CR2: variants seen among roughly 807,000 people sequenced by gnomAD.
CR2 encodes complement C3d receptor 2.
A neutral mutation model predicts 123.0 loss-of-function variants in CR2; 96 were observed. The ratio of observed to expected loss-of-function variants is 0.78; its 90% CI spans 0.66 to 0.93. The LOEUF (loss-of-function observed/expected upper bound fraction) is 0.93. Among genes scored for constraint, CR2 ranks in the 40% least tolerant of loss-of-function variants. The probability of loss-of-function intolerance (pLI) is 0.00; values close to 1 mark genes in which losing one functional copy is unlikely to be tolerated. For missense variants in CR2, 1,258 were observed against 1,361.0 expected (o/e 0.92, Z 1.19); for synonymous variants, 484 against 469.5 (o/e 1.03, Z -0.40).
intron 16 of CR2, 119 bp from the exon 17 acceptor site, chr1:207,479,137 TA>T (rs1658529322): frequency 1.2e-6 from 1 of 822,618 alleles, no homozygotes; most frequent in Non-Finnish European, 2.1e-6. Flanking sequence ...GTACATCTTT[TA>T]AATCGACTTG....
rs373332575 is a variant in CR2 at position 207,473,601 on chromosome 1, T to G, written c.2035T>G (p.Phe679Val). 29 of 1,613,874 alleles carry G rather than the reference T, an allele frequency of 1.8e-5. No individual in the cohort carries two copies. Among genetic ancestry groups the G allele is most frequent in the Non-Finnish European group, 2.4e-5 (28 of 1,179,900 alleles). ...TCGTCATACAGGTGGAAATACGGTCTTCTTTGTCTCTGGGATGACTGTAGA... is the reference window on the plus strand; with the variant it reads ...TCGTCATACAGGTGGAAATACGGTCGTCTTTGTCTCTGGGATGACTGTAGA... Reference protein sequence around the residue: ...HGRHTGGNTVFFVSGMTVDYT... With the variant: ...HGRHTGGNTVVFVSGMTVDYT... Residue 679 changes from phenylalanine (F) to valine (V), a missense_variant, in exon 11 of 20, where the codon TTC (phenylalanine) becomes GTC (valine). Physicochemically the swap from Phe to Val is conservative, Grantham distance 50. Transcript: ENST00000367057.
chr1:207,462,555 A>G (rs777496832), intron 1 of CR2, among the ~76,000 whole-genome samples: 1 of 152,208 alleles, frequency 6.6e-6, no homozygotes, highest in Admixed American at 6.5e-5. Flanking sequence ...TGGCATGACC[A>G]CATTTGTGTT....
intron 12 of CR2, 51 bp from the exon 13 acceptor site, chr1:207,474,190 A>C: frequency 8.7e-6 from 12 of 1,384,562 alleles, no homozygotes; most frequent in South Asian, 1.2e-5. Context: ...TGCAGTTTGA[A>C]GAGATATGAT....
chr1:207,465,025 G>C (rs568406295), intron 1 of CR2, among the ~76,000 whole-genome samples: 32 of 152,190 alleles, frequency 2.1e-4, no homozygotes, highest in Admixed American at 5.2e-4. Context: ...CCACCTCCTG[G>C]GTTCAAGCGA....
At position 207,468,831 on chromosome 1, in the gene CR2, C is replaced by T. The variant is rs778221461; in HGVS notation, c.666C>T (p.Pro222=). ...GCTGTAAATCTCTAGGACGATTTCC[C>T]AATGGGAAGGTAAAGGAGCCTCCAA... is the stretch of plus-strand genomic sequence containing the variant. ...EARCKSLGRF[P]NGKVKEPPIL... is the part of the protein sequence containing the mutation. The change falls in exon 4 of 20, where the codon CCC becomes CCT. Residue 222 remains proline (P), a synonymous_variant. Coordinates refer to ENST00000367057, the MANE Select transcript of CR2 (RefSeq NM_001006658.3). 9.7e-5 allele frequency: 156 copies of T among 1,613,828 alleles called. No homozygotes were observed. Among genetic ancestry groups the T allele is most frequent in the Admixed American group, 2.3e-4 (14 of 59,968 alleles).
intron 16 of CR2, among the ~76,000 whole-genome samples, chr1:207,478,525 C>CAAAAAAAAAAAAAAAAAAAAAAGAAAAAA (rs1658508335): frequency 3.4e-5 from 2 of 58,742 alleles, no homozygotes; most frequent in Non-Finnish European, 6.4e-5. Context: ...AAGACCCTAT[C>CAAAAAAAAAAAAAAAAAAAAAAGAAAAAA]AAAAAAAAAA....
chr1:207,457,750 G>GT (rs1428631563), intron 1 of CR2, among the ~76,000 whole-genome samples: 1 of 151,980 alleles, frequency 6.6e-6, no homozygotes, highest in Non-Finnish European at 1.5e-5. Context: ...ACTCTTACCT[G>GT]TTTTTTCCAT....
Position 207,467,087 on chromosome 1 carries a change from G to A in CR2, c.445+175G>A, listed in dbSNP as rs752591828. Among the ~76,000 whole-genome samples, 11 of 152,120 alleles carry A rather than the reference G, an allele frequency of 7.2e-5. No individual in the cohort carries two copies. In the South Asian group the frequency reaches 1.0e-3, roughly 14 times the overall value. On this transcript the variant is annotated intron_variant, in intron 2 of 19. Transcript: ENST00000367057. ...TCTTCGTGGAGGCATATAACTGCTC[G>A]TTCAAAAAACATCAATTGAGCAAAG...
chr1:207,479,583 A>C (rs147029386), intron 17 of CR2, among the ~76,000 whole-genome samples: 1,903 of 152,310 alleles, frequency 0.012, 30 homozygotes, highest in African/African-American at 0.04. Flanking sequence ...CTGCTGTAGC[A>C]AAATACATTT....
intron 1 of CR2, among the ~76,000 whole-genome samples, chr1:207,458,498 G>A (rs969674862): frequency 2.0e-5 from 3 of 152,080 alleles, no homozygotes; most frequent in Non-Finnish European, 2.9e-5. Flanking sequence ...TGACTTGATC[G>A]TGGACCATTC....
chr1:207,456,723 C>G (rs1657842974), intron 1 of CR2, among the ~76,000 whole-genome samples: 1 of 152,192 alleles, frequency 6.6e-6, no homozygotes, highest in South Asian at 2.1e-4. Context: ...TTACCTCCAT[C>G]TAGAATCAGA....
At chr1:207,477,281 A>G (rs1419415947) in intron 15 of CR2, among the ~76,000 whole-genome samples, 2 of 152,182 alleles carry the variant, frequency 1.3e-5, no homozygotes, top group Non-Finnish European at 2.9e-5. Flanking sequence ...CGTGTGCAGG[A>G]GAACTGTCCT....
rs1658560715 is a variant in CR2, at chr1:207,480,036, A to ACG, written c.3171_3172insCG (p.Ser1058ArgfsTer21). The ACG allele has an allele frequency of 1.2e-6, 2 of 1,612,438 alleles. No homozygotes were observed. The highest frequency in any genetic ancestry group is 1.7e-6 in the Non-Finnish European group (2 of 1,178,700). ...TGATTGTCATTACCTTATACGTGAT[A>ACG]TCAAAACACAGAGCACGGTAAGTTC... On this transcript the variant is annotated frameshift_variant, in exon 18 of 20. Coordinates refer to ENST00000367057, the MANE Select transcript of CR2 (RefSeq NM_001006658.3). LOFTEE classifies it high-confidence loss of function.
In CR2 at chr1:207,469,166, C is replaced by T. The variant is rs763512398; in HGVS notation, c.751C>T (p.Pro251Ser). Residue 251 changes from proline to serine, a missense_variant, in exon 5 of 20, where the codon CCA becomes TCA. Coordinates refer to ENST00000367057, the MANE Select transcript of CR2 (RefSeq NM_001006658.3). The part of the protein sequence containing the change: ...FCDEGYRLQG[P>S]PSSRCVIAGQ... ...TGTCTCCAGGTATCGACTGCAAGGC[C>T]CACCTTCTAGTCGGTGTGTAATTGC... The T allele has an allele frequency of 6.2e-7, 1 of 1,613,814 alleles. No homozygotes were observed. Among genetic ancestry groups the T allele is most frequent in the Non-Finnish European group, 8.5e-7 (1 of 1,179,776 alleles).
chr1:207,469,236 G>A lies in CR2; in HGVS notation c.817+4G>A, dbSNP rs1174734953. The A allele has an allele frequency of 1.2e-6, 2 of 1,612,166 alleles. No individual in the cohort carries two copies. Among genetic ancestry groups the A allele is most frequent in the Non-Finnish European group, 1.7e-6 (2 of 1,178,416 alleles). On this transcript the variant is annotated splice_donor_region_variant and intron_variant, in intron 5 of 19. Coordinates refer to ENST00000367057, the MANE Select transcript of CR2 (RefSeq NM_001006658.3). ...ACCAAAATGCCAGTATGTGAAGGTA[G>A]GCTAGGCAACTATGGTCTGACAGCA...
At position 207,473,712 on chromosome 1, in the gene CR2, C is replaced by T. The variant is rs144014118; in HGVS notation, c.2146C>T (p.Arg716Trp). The T allele has an allele frequency of 9.9e-5, 160 of 1,613,924 alleles. No individual in the cohort carries two copies. The Admixed American group carries it at 1.5e-3, about 16-fold the overall frequency. The change falls in exon 11 of 20, where the codon CGG (arginine) becomes TGG (tryptophan). Residue 716 changes from arginine to tryptophan, a missense_variant. Physicochemically the swap from Arg to Trp is moderately radical, Grantham distance 101 (BLOSUM62 -3). Coordinates refer to ENST00000367057, the MANE Select transcript of CR2 (RefSeq NM_001006658.3). ...AGGAAATTGGAGTCCTTCTGCCCCA[C>T]GGTGTGAAGGTACTTTAAGTTCCAG... ...PSGNWSPSAP[R>W]CEETCQHVRQ...
chr1:207,483,714 CT>C (rs1301877209), intron 18 of CR2, among the ~76,000 whole-genome samples: 1 of 152,032 alleles, frequency 6.6e-6, no homozygotes, highest in Admixed American at 6.6e-5. Flanking sequence ...GGTGGACCCC[CT>C]GACTCACTAA....
intron 2 of CR2, 28 bp downstream of exon 2, chr1:207,466,940 G>A: frequency 6.4e-7 from 1 of 1,556,750 alleles, no homozygotes; most frequent in Non-Finnish European, 8.6e-7. Context: ...GCTGGGTTGG[G>A]AGGTTGGGGT....
chr1:207,467,278 A>G (rs954879119), intron 2 of CR2, among the ~76,000 whole-genome samples: 3 of 152,080 alleles, frequency 2.0e-5, no homozygotes, highest in Non-Finnish European at 2.9e-5. Context: ...ATCTTATAGC[A>G]AAAATACACC....
Sources: allele counts gnomAD v4.1 joint callset (sites outside exome capture counted in the v4.1 genomes callset), GRCh38; gene constraint gnomAD v4.1.1; transcripts MANE v1.5; gene names NCBI Gene and HGNC (gene_info 2026-07-23, HGNC 2026-07-21).